Variants in BRSK1 observed in about 807,000 individuals in gnomAD.
The protein encoded by BRSK1 is BR serine/threonine kinase 1.
In BRSK1, 17 loss-of-function variants were observed where a neutral mutation model predicts 86.2. The ratio of observed to expected loss-of-function variants is 0.20; its 90% CI spans 0.14 to 0.30. The LOEUF (loss-of-function observed/expected upper bound fraction) is 0.30. Among genes scored for constraint, BRSK1 ranks in the 10% least tolerant of loss-of-function variants. The pLI is 1.00. For synonymous variants in BRSK1, 464 were observed against 440.1 expected, an observed-to-expected ratio of 1.05 and a Z score of -0.68; for missense variants, 719 against 1,071.9, an observed-to-expected ratio of 0.67 and a Z score of 4.60.
chr19:55,288,457 G>C (rs1034061777), intron 3 of BRSK1, among the ~76,000 whole-genome samples: 2 of 126,702 alleles, frequency 1.6e-5, no homozygotes, highest in African/African-American at 6.1e-5. Flanking sequence ...GTGGGCGACA[G>C]AGCAAGACTC....
chr19:55,290,165 T>G (rs2088382729), intron 4 of BRSK1, among the ~76,000 whole-genome samples: 2 of 152,128 alleles, frequency 1.3e-5, no homozygotes. Context: ...TGGCTAATTT[T>G]GTATTTTTTT....
Position 55,301,541 on chromosome 19 carries a change from C to T in BRSK1, c.708C>T (p.Leu236=), listed in dbSNP as rs1010892346. 6.2e-7 allele frequency: 1 copy of T among 1,613,928 alleles called. No homozygotes were observed. Among genetic ancestry groups the T allele is most frequent in the Non-Finnish European group, 8.5e-7 (1 of 1,179,956 alleles). Reference sequence around the variant, plus strand: ...CTCTGCCCTTTGATGACGACAACCTCCGCCAGCTGCTGGAGAAGGTGAAAC... The same window carrying T: ...CTCTGCCCTTTGATGACGACAACCTTCGCCAGCTGCTGGAGAAGGTGAAAC... ...VGALPFDDDN[L]RQLLEKVKRG... Residue 236 remains leucine (L), a synonymous_variant, in exon 8 of 19, where the codon CTC becomes CTT. Coordinates refer to ENST00000309383, the MANE Select transcript of BRSK1 (RefSeq NM_032430.2).
rs573821906 is a variant in BRSK1 at position 55,286,674 on chromosome 19, G to GAGAC, written c.137-328_137-325dup. ...AAAGTGGGGGGGCGGGGGCTTGGAG[G>GAGAC]AGACAGACTCGGGGAGACACGGTGA... On this transcript the variant is annotated intron_variant, in intron 1 of 18. Transcript: ENST00000309383. Among the ~76,000 whole-genome samples the GAGAC allele has an allele frequency of 4.9e-3, 746 of 151,576 alleles. 5 individuals are homozygous for GAGAC. Among genetic ancestry groups the GAGAC allele is most frequent in the African/African-American group, 0.018 (723 of 41,188 alleles).
chr19:55,301,204 A>G (rs189427191), intron 7 of BRSK1, among the ~76,000 whole-genome samples: 2 of 152,240 alleles, frequency 1.3e-5, no homozygotes, highest in East Asian at 3.9e-4. Context: ...CTGACCTGTA[A>G]CGGATGCTCA....
At position 55,304,908 on chromosome 19, in the gene BRSK1, C is replaced by T. The variant is rs745808194; in HGVS notation, c.1705C>T (p.Arg569Cys). ...CCTGGGCTCCCCTCGCTTTCACCGG[C>T]GCAAGATGCAGGGTATGGGGGCATG... is the stretch of plus-strand genomic sequence containing the variant. ...SFLGSPRFHR[R>C]KMQVPTAEEM... Residue 569 changes from arginine (R) to cysteine (C), a missense_variant, in exon 14 of 19, where the codon CGC becomes TGC. Arg to Cys is a radical substitution (Grantham distance 180). Around this residue, in one of 6 missense-constraint regions of BRSK1, gnomAD observed 180 missense variants for 259.4 expected, o/e 0.69. Coordinates refer to ENST00000309383, the MANE Select transcript of BRSK1 (RefSeq NM_032430.2). This position sits in a 1 kb window ranked among gnomAD's most constrained non-coding sequence, Gnocchi z 5.2. 3.1e-6 allele frequency: 5 copies of T among 1,608,212 alleles called. No homozygotes were observed. The highest frequency in any genetic ancestry group is 2.2e-5 in the South Asian group (2 of 90,988).
At position 55,287,056 on chromosome 19, in the gene BRSK1, C is replaced by G; in HGVS notation, c.186C>G (p.Ile62Met). ...VHCITGQKVA[I>M]KIVNREKLSE... The stretch of plus-strand genomic sequence containing the variant: ...GCATCACGGGTCAGAAGGTCGCCAT[C>G]AAGATCGTGAACCGGGAGAAGCTGT... The change falls in exon 2 of 19, where the codon ATC (isoleucine) becomes ATG (methionine). Residue 62 changes from isoleucine to methionine, a missense_variant. Transcript: ENST00000309383. The surrounding 1 kb of genome is among the most constrained non-coding windows in gnomAD (Gnocchi z 5.3). The G allele has an allele frequency of 6.2e-7, 1 of 1,612,982 alleles. No homozygotes were observed. Among genetic ancestry groups the G allele is most frequent in the Non-Finnish European group, 8.5e-7 (1 of 1,179,722 alleles).
At chr19:55,305,217 A>T in intron 14 of BRSK1, 104 bp from the exon 15 acceptor site, 1 of 1,473,356 alleles carries the variant, frequency 6.8e-7, no homozygotes, top group Non-Finnish European at 9.3e-7. Context: ...CGAGGCTGCA[A>T]CCCAAGGCTC....
rs145026932 is a variant in BRSK1 at position 55,287,080 on chromosome 19, G to T, written c.210G>T (p.Leu70=). 8.1e-5 allele frequency: 130 copies of T among 1,613,470 alleles called. 2 individuals are homozygous for T. Among genetic ancestry groups the T allele is most frequent in the Admixed American group, 4.3e-4 (26 of 59,938 alleles). ...TCAAGATCGTGAACCGGGAGAAGCT[G>T]TCGGAGTCGGTGCTGATGAAGGTGT... The part of the protein sequence containing the change: ...VAIKIVNREK[L]SESVLMKVER... The change falls in exon 2 of 19, where the codon CTG becomes CTT. Residue 70 remains leucine (L), a synonymous_variant. Coordinates refer to ENST00000309383, the MANE Select transcript of BRSK1 (RefSeq NM_032430.2). This position sits in a 1 kb window ranked among gnomAD's most constrained non-coding sequence, Gnocchi z 5.3.
rs373449706 is a variant in BRSK1 at position 55,301,669 on chromosome 19, G to C, written c.825+11G>C. On this transcript the variant is annotated intron_variant, in intron 8 of 18. Coordinates refer to ENST00000309383, the MANE Select transcript of BRSK1 (RefSeq NM_032430.2). ...GAAAAAAGGCTCAGTGTGAGTTGAG[G>C]GGGGGACCGGCGGAGGGGGGAACAG... is the stretch of plus-strand genomic sequence containing the variant. The C allele has an allele frequency of 3.1e-5, 50 of 1,610,692 alleles. No homozygotes were observed. The highest frequency in any genetic ancestry group is 6.7e-5 in the African/African-American group (5 of 74,866).
intron 4 of BRSK1, among the ~76,000 whole-genome samples, chr19:55,292,725 T>C (rs1568981111): frequency 6.6e-6 from 1 of 151,482 alleles, no homozygotes; most frequent in East Asian, 2.0e-4. Context: ...TCCCAGCTAC[T>C]CGGGAGGCTG....
In BRSK1 at chr19:55,294,273, G is replaced by A. The variant is rs774421200; in HGVS notation, c.609+26G>A. 3.7e-6 allele frequency: 6 copies of A among 1,614,174 alleles called. No individual in the cohort carries two copies. The Admixed American group carries it at 1.0e-4, about 27-fold the overall frequency. On this transcript the variant is annotated intron_variant, in intron 6 of 18. Coordinates refer to ENST00000309383, the MANE Select transcript of BRSK1 (RefSeq NM_032430.2). This position sits in a 1 kb window ranked among gnomAD's most constrained non-coding sequence, Gnocchi z 4.9. ...GTGAGTGAGGGGCGGATAGAGGGGA[G>A]AGGGGTGGAGGCAGCAGTGAGGAGC...
chr19:55,302,485 T>C lies in BRSK1; in HGVS notation c.858-212T>C. On this transcript the variant is annotated intron_variant, in intron 9 of 18. Coordinates refer to ENST00000309383, the MANE Select transcript of BRSK1 (RefSeq NM_032430.2). This position sits in a 1 kb window ranked among gnomAD's most constrained non-coding sequence, Gnocchi z 6.3. ...TCTGAAGAAGGAGGGGCCGGGGGCC[T>C]GGACCCCTCGGTCGGAGGGAAAAGG... 1 of 655,192 alleles carries C rather than the reference T, an allele frequency of 1.5e-6. No individual in the cohort carries two copies. The highest frequency in any genetic ancestry group is 2.6e-6 in the Non-Finnish European group (1 of 388,818). The allele number at this position is 655,192 out of a possible 1,614,324, so 40.6% of individuals were successfully genotyped here.
At chr19:55,301,370 A>G in intron 7 of BRSK1, 142 bp from the exon 8 acceptor site, 1 of 991,886 alleles carries the variant, frequency 1.0e-6, no homozygotes, top group South Asian at 1.7e-5. Flanking sequence ...CGGACGAGCT[A>G]GGGGCCTTTG....
rs2088593929 is a variant in BRSK1, at chr19:55,302,935, TG to T, written c.1028+69del. ...GAGCTGCAGCAGCTCCCTGCGCACA[TG>T]CAGAGTGCTGGGCGAGGAACCCTGG... On this transcript the variant is annotated intron_variant, in intron 10 of 18. Coordinates refer to ENST00000309383, the MANE Select transcript of BRSK1 (RefSeq NM_032430.2). The surrounding 1 kb of genome is among the most constrained non-coding windows in gnomAD (Gnocchi z 6.3). 2.6e-6 allele frequency: 4 copies of T among 1,556,526 alleles called. No homozygotes were observed.
intron 7 of BRSK1, 96 bp from the exon 8 acceptor site, chr19:55,301,416 A>G (rs2088567721): frequency 1.4e-6 from 2 of 1,443,898 alleles, no homozygotes; most frequent in South Asian, 1.3e-5. Flanking sequence ...TCAGTTTCCA[A>G]CCCCTTAAGG....
Position 55,305,473 on chromosome 19 carries a change from C to T in BRSK1, c.1777C>T (p.Arg593Cys), listed in dbSNP as rs754525016. The T allele has an allele frequency of 2.5e-6, 4 of 1,614,186 alleles. No individual in the cohort carries two copies. The highest frequency in any genetic ancestry group is 2.5e-6 in the Non-Finnish European group (3 of 1,180,010). ...CCCCCTCCCACTCAGGCTGGCAAAA[C>T]GCTCCTGGTTCGGGAACTTCATCTC... ...TPESSPELAK[R>C]SWFGNFISLD... Residue 593 changes from arginine to cysteine, a missense_variant, in exon 16 of 19, where the codon CGC becomes TGC. Arg to Cys is a radical substitution (Grantham distance 180). Around this residue, in one of 6 missense-constraint regions of BRSK1, gnomAD observed 180 missense variants for 259.4 expected, o/e 0.69. Coordinates refer to ENST00000309383, the MANE Select transcript of BRSK1 (RefSeq NM_032430.2).
At chr19:55,292,880 C>T (rs763632478) in intron 4 of BRSK1, among the ~76,000 whole-genome samples, 9 of 151,326 alleles carry the variant, frequency 5.9e-5, no homozygotes, top group African/African-American at 1.2e-4. Flanking sequence ...TGGTGATGCA[C>T]GCCTGTGGCT....
intron 4 of BRSK1, among the ~76,000 whole-genome samples, chr19:55,290,057 T>C (rs1261070874): frequency 6.6e-6 from 1 of 152,176 alleles, no homozygotes; most frequent in Non-Finnish European, 1.5e-5. Context: ...TGCAATGGTG[T>C]GATCTTGGCT....
chr19:55,306,411 G>A lies in BRSK1; in HGVS notation c.2050G>A (p.Gly684Ser). ...EPSPRRDGSG[G>S]GGIYSVTFTL... ...CTCCCCGCGACGGGACGGCAGCGGA[G>A]GTGGTGGCATCTACTCCGTCACCTT... The change falls in exon 17 of 19, where the codon GGT (glycine) becomes AGT (serine). Residue 684 changes from glycine to serine, a missense_variant. Transcript: ENST00000309383. This position sits in a 1 kb window ranked among gnomAD's most constrained non-coding sequence, Gnocchi z 4.7. 1.2e-6 allele frequency: 2 copies of A among 1,613,832 alleles called. No individual in the cohort carries two copies. The highest frequency in any genetic ancestry group is 8.5e-7 in the Non-Finnish European group (1 of 1,180,030).
Sources: gnomAD v4.1 joint callset for allele counts (sites outside exome capture counted in the v4.1 genomes callset) on GRCh38, gnomAD v4.1.1 for gene constraint, gnomAD v4.1.1 regional missense constraint, Gnocchi (gnomAD v3.1) non-coding constraint, MANE v1.5 for transcripts, NCBI Gene and HGNC (gene_info 2026-07-23, HGNC 2026-07-21) for gene names.